The following TCF12 variants were observed in gnomAD, a reference collection of about 807,000 sequenced individuals.
The protein encoded by TCF12 is transcription factor 12.
In TCF12, 45 loss-of-function variants were observed where a neutral mutation model predicts 86.0. The observed-to-expected ratio is 0.52, with a 90% confidence interval of 0.41 to 0.67. The LOEUF (loss-of-function observed/expected upper bound fraction) is 0.67, where lower values mean the gene tolerates loss of function less well. TCF12 is among the 30% of genes least tolerant of loss of function. The pLI is 0.00. For missense variants in TCF12, 881 were observed against 859.9 expected (o/e 1.02, Z -0.31); for synonymous variants, 330 against 299.6 (o/e 1.10, Z -1.05).
chr15:57,213,816 T>G (rs1455179304), intron 8 of TCF12, among the ~76,000 whole-genome samples: 2 of 152,236 alleles, frequency 1.3e-5, no homozygotes, highest in Non-Finnish European at 2.9e-5. Flanking sequence ...ATAGCTTTGT[T>G]TGCCTACAGT....
chr15:56,956,098 A>T (rs941761819), intron 3 of TCF12, among the ~76,000 whole-genome samples: 1 of 151,854 alleles, frequency 6.6e-6, no homozygotes, highest in Admixed American at 6.6e-5. Flanking sequence ...TTGTTTTTAC[A>T]TTTAACTGCA....
intron 6 of TCF12, among the ~76,000 whole-genome samples, chr15:57,180,744 A>G (rs896437108): frequency 1.3e-5 from 2 of 151,032 alleles, no homozygotes; most frequent in Non-Finnish European, 2.9e-5. Context: ...CTCTCCATCT[A>G]ATTTTCTTAA....
intron 3 of TCF12, among the ~76,000 whole-genome samples, chr15:57,056,926 T>TGGG (rs1330885136): frequency 1.3e-5 from 2 of 152,148 alleles, no homozygotes; most frequent in East Asian, 3.8e-4. Flanking sequence ...TGGCCTCTGG[T>TGGG]GATTATCTTT....
At chr15:57,101,273 A>G (rs925625629) in intron 5 of TCF12, among the ~76,000 whole-genome samples, 2 of 151,942 alleles carry the variant, frequency 1.3e-5, no homozygotes, top group African/African-American at 2.4e-5. Context: ...TAACACATCT[A>G]TGGCTTACTG....
chr15:56,986,743 A>G (rs1456872048), intron 3 of TCF12, among the ~76,000 whole-genome samples: 2 of 152,180 alleles, frequency 1.3e-5, no homozygotes, highest in East Asian at 3.8e-4. Flanking sequence ...TGCATTTTTT[A>G]AAAAAGAAAA....
At chr15:57,076,214 A>T (rs972524543) in intron 4 of TCF12, among the ~76,000 whole-genome samples, 4 of 152,090 alleles carry the variant, frequency 2.6e-5, no homozygotes, top group African/African-American at 4.8e-5. Context: ...AGTTTCTCAA[A>T]CTGGCCTTCA....
At chr15:57,092,092 G>C in intron 5 of TCF12, 4 of 423,940 alleles carry the variant, frequency 9.4e-6, no homozygotes, top group Middle Eastern at 1.3e-3. Flanking sequence ...AAGCATTATT[G>C]TTTTGGTGTC....
intron 3 of TCF12, among the ~76,000 whole-genome samples, chr15:56,935,179 G>T (rs1003641632): frequency 6.6e-6 from 1 of 152,164 alleles, no homozygotes. Context: ...ACTGGACATT[G>T]CAGTAGTCTC....
At chr15:56,952,252 G>T (rs1234821260) in intron 3 of TCF12, among the ~76,000 whole-genome samples, 1 of 150,598 alleles carries the variant, frequency 6.6e-6, no homozygotes, top group Non-Finnish European at 1.5e-5. Context: ...TTAGTCCATT[G>T]ATCTCTTGTT....
At chr15:57,073,194 C>T (rs2069568907) in intron 4 of TCF12, among the ~76,000 whole-genome samples, 1 of 152,296 alleles carries the variant, frequency 6.6e-6, no homozygotes, top group East Asian at 1.9e-4. Context: ...GAAATAACAT[C>T]TTGATCAGGA....
At chr15:57,093,040 A>C (rs563169263) in intron 5 of TCF12, among the ~76,000 whole-genome samples, 2 of 152,366 alleles carry the variant, frequency 1.3e-5, no homozygotes, top group African/African-American at 4.8e-5. Context: ...GTTTGAAGCC[A>C]GAAGAACCAT....
At chr15:56,932,606 T>TC (rs2060296820) in intron 3 of TCF12, among the ~76,000 whole-genome samples, 1 of 152,106 alleles carries the variant, frequency 6.6e-6, no homozygotes, top group Admixed American at 6.5e-5. Context: ...TGTGGCTCTG[T>TC]CGCCCAGGCT....
At chr15:57,216,905 T>C (rs1442823840) in intron 8 of TCF12, among the ~76,000 whole-genome samples, 1 of 152,134 alleles carries the variant, frequency 6.6e-6, no homozygotes, top group African/African-American at 2.4e-5. Context: ...GGGCATTTTA[T>C]GTAGATTACC....
At chr15:57,223,401 G>C (rs1168623204) in intron 8 of TCF12, among the ~76,000 whole-genome samples, 1 of 151,836 alleles carries the variant, frequency 6.6e-6, no homozygotes, top group Non-Finnish European at 1.5e-5. Flanking sequence ...ATACTACATT[G>C]GAAAGAAAAC....
upstream of TCF12, chr15:56,918,114 C>G: frequency 2.3e-6 from 1 of 439,258 alleles, no homozygotes; most frequent in South Asian, 1.6e-5. Context: ...GGATGGGTCT[C>G]CCGTCTCCAC....
At chr15:57,200,319 G>A (rs148918178) in intron 8 of TCF12, among the ~76,000 whole-genome samples, 4 of 151,998 alleles carry the variant, frequency 2.6e-5, no homozygotes, top group African/African-American at 2.4e-5. Flanking sequence ...AACACTTAAG[G>A]TTATACTGTT....
intron 13 of TCF12, among the ~76,000 whole-genome samples, chr15:57,246,074 A>G (rs79043305): frequency 6.6e-6 from 1 of 152,294 alleles, no homozygotes; most frequent in East Asian, 1.9e-4. Context: ...AAATATGTGG[A>G]CATTATTTTG....
chr15:57,126,863 C>A (rs2051690323), intron 5 of TCF12, among the ~76,000 whole-genome samples: 1 of 152,192 alleles, frequency 6.6e-6, no homozygotes, highest in Non-Finnish European at 1.5e-5. Context: ...ATAATTTTAT[C>A]TGTCCAATGT....
intron 8 of TCF12, among the ~76,000 whole-genome samples, chr15:57,211,031 C>G (rs1169714901): frequency 6.6e-6 from 1 of 152,158 alleles, no homozygotes; most frequent in Non-Finnish European, 1.5e-5. Context: ...TATAACAAAG[C>G]CATCCCTGGA....
Sources: gnomAD v4.1 joint callset for allele counts (sites outside exome capture counted in the v4.1 genomes callset) on GRCh38, gnomAD v4.1.1 for gene constraint, MANE v1.5 for transcripts, NCBI Gene and HGNC (gene_info 2026-07-23, HGNC 2026-07-21) for gene names.